Variants in NUP160 observed in about 807,000 individuals in gnomAD.
The protein encoded by NUP160 is nuclear pore complex protein Nup160.
A neutral mutation model predicts 196.9 loss-of-function variants in NUP160; 94 were observed. The observed-to-expected ratio is 0.48, with a 90% confidence interval of 0.40 to 0.57. The LOEUF is 0.57. NUP160 is among the 20% of genes least tolerant of loss of function. The pLI is 0.00. For missense variants in NUP160, 1,638 were observed against 1,748.3 expected (o/e 0.94, Z 1.13); for synonymous variants, 605 against 619.7 (o/e 0.98, Z 0.35).
At chr11:47,814,676 T>C (rs1267527257) in intron 13 of NUP160, among the ~76,000 whole-genome samples, 1 of 152,096 alleles carries the variant, frequency 6.6e-6, no homozygotes, top group Non-Finnish European at 1.5e-5. Context: ...ATTATGTCAA[T>C]ATCAAATAAC....
intron 2 of NUP160, 118 bp downstream of exon 2, chr11:47,847,730 T>C (rs1315513608): frequency 1.8e-5 from 12 of 681,166 alleles, no homozygotes; most frequent in Non-Finnish European, 3.2e-5. Flanking sequence ...GAAAAAACAA[T>C]CTTTCTCTTT....
Position 47,812,235 on chromosome 11 carries a change from A to G in NUP160, c.2081-11T>C, listed in dbSNP as rs780574374. Reference sequence around the variant, plus strand: ...TATTCAAAGGCTGAGCTGTAAAAAGAAGAAAAATGGAGTTGAATGCATCAT... The same window carrying G: ...TATTCAAAGGCTGAGCTGTAAAAAGGAGAAAAATGGAGTTGAATGCATCAT... On this transcript the variant is annotated splice_polypyrimidine_tract_variant and intron_variant, in intron 16 of 35. Coordinates refer to ENST00000378460, the Ensembl canonical transcript of NUP160. 1.9e-6 allele frequency: 3 copies of G among 1,613,946 alleles called. No homozygotes were observed. The highest frequency in any genetic ancestry group is 2.5e-6 in the Non-Finnish European group (3 of 1,179,852).
chr11:47,783,256 C>A, intron 33 of NUP160, 58 bp from the exon 34 acceptor site: 1 of 1,561,198 alleles, frequency 6.4e-7, no homozygotes, highest in Non-Finnish European at 8.6e-7. Flanking sequence ...TGAGTACTGA[C>A]CAAAGAATGT....
intron 20 of NUP160, among the ~76,000 whole-genome samples, chr11:47,805,574 G>C (rs1449082762): frequency 1.3e-5 from 2 of 151,234 alleles, no homozygotes; most frequent in Admixed American, 1.3e-4. Flanking sequence ...CTTCCAAGTA[G>C]CTGGGACTAC....
At chr11:47,800,632 C>T (rs546475627) in intron 23 of NUP160, among the ~76,000 whole-genome samples, 68 of 152,192 alleles carry the variant, frequency 4.5e-4, no homozygotes, top group Non-Finnish European at 8.1e-4. Context: ...CCTCGTGATC[C>T]GCCCACCTCA....
chr11:47,779,172 T>C lies in NUP160; in HGVS notation c.4244A>G (p.Lys1415Arg), dbSNP rs1052118622. ...AACTTTTTGCTGGTAGTCCTCCAAT[T>C]TGTCAAGTATTTTCTGGGACAGCTA... Residue 1415 changes from lysine (K) to arginine (R), a missense_variant, in exon 36 of 36, where the codon AAA becomes AGA. Coordinates refer to ENST00000378460, the Ensembl canonical transcript of NUP160. 19 of 1,611,874 alleles carry C rather than the reference T, an allele frequency of 1.2e-5. No homozygotes were observed. Among genetic ancestry groups the C allele is most frequent in the Non-Finnish European group, 1.4e-5 (17 of 1,178,182 alleles).
chr11:47,838,357 G>A (rs1852221209), intron 4 of NUP160, among the ~76,000 whole-genome samples: 1 of 152,196 alleles, frequency 6.6e-6, no homozygotes, highest in South Asian at 2.1e-4. Context: ...GGTCACTCTA[G>A]GCCAGTGTAA....
chr11:47,798,287 A>G, intron 24 of NUP160, 25 bp from the exon 25 acceptor site: 1 of 1,565,410 alleles, frequency 6.4e-7, no homozygotes, highest in South Asian at 1.1e-5. Flanking sequence ...TAGATCAAAT[A>G]TCAAAAAGAG....
intron 9 of NUP160, among the ~76,000 whole-genome samples, chr11:47,820,928 C>G (rs1851844038): frequency 6.6e-6 from 1 of 152,144 alleles, no homozygotes; most frequent in Non-Finnish European, 1.5e-5. Context: ...GGCAATCCTC[C>G]CACCTTAGCC....
At chr11:47,779,074 A>G in exon 36 of NUP160, 1 of 1,527,986 alleles carries the variant, frequency 6.5e-7, no homozygotes, top group Non-Finnish European at 9.1e-7. Flanking sequence ...AGAGGCACCA[A>G]GCGGTTACAA....
At chr11:47,825,979 A>C (rs1340993233) in intron 7 of NUP160, among the ~76,000 whole-genome samples, 1 of 152,224 alleles carries the variant, frequency 6.6e-6, no homozygotes, top group Non-Finnish European at 1.5e-5. Context: ...ATTAAAGAAA[A>C]AAAAGCAGCA....
chr11:47,837,624 C>T lies in NUP160; in HGVS notation c.749-1G>A, dbSNP rs1436686837. On this transcript the variant is annotated splice_acceptor_variant, in intron 4 of 35. Transcript: ENST00000378460. LOFTEE classifies it high-confidence loss of function. ...TTCAGTTCCACGACTGACACCATAC[C>T]TGCAATGATATCCAAGGCACCTCTT... is the stretch of plus-strand genomic sequence containing the variant. 6.2e-7 allele frequency: 1 copy of T among 1,612,966 alleles called. No homozygotes were observed. Among genetic ancestry groups the T allele is most frequent in the Non-Finnish European group, 8.5e-7 (1 of 1,179,064 alleles).
At chr11:47,814,612 A>G (rs1011828568) in intron 13 of NUP160, among the ~76,000 whole-genome samples, 1 of 151,700 alleles carries the variant, frequency 6.6e-6, no homozygotes, top group African/African-American at 2.4e-5. Flanking sequence ...CTGAATATAA[A>G]CTATATATAT....
chr11:47,807,182 T>C (rs758796114), intron 18 of NUP160, 42 bp from the exon 19 acceptor site: 1 of 1,201,082 alleles, frequency 8.3e-7, no homozygotes, highest in Non-Finnish European at 1.2e-6. Context: ...AATTCTCCTA[T>C]GCTAAACATT....
intron 2 of NUP160, among the ~76,000 whole-genome samples, chr11:47,842,277 C>T (rs992346332): frequency 2.0e-5 from 3 of 152,106 alleles, no homozygotes; most frequent in African/African-American, 7.2e-5. Context: ...TCCCAAGGCA[C>T]ATCTTATCTA....
intron 21 of NUP160, 30 bp from the exon 22 acceptor site, chr11:47,803,566 A>G: frequency 8.1e-7 from 1 of 1,231,602 alleles, no homozygotes; most frequent in Non-Finnish European, 1.2e-6. Context: ...CTTTCTGATT[A>G]GAAAATAAAT....
chr11:47,801,791 C>G lies in NUP160; in HGVS notation c.2895+20G>C. On this transcript the variant is annotated intron_variant, in intron 23 of 35. Coordinates refer to ENST00000378460, the Ensembl canonical transcript of NUP160. ...GTTTTTACACAGGGTGGTATAAGGCCAAACCAAGACATGATGTACCTTGTC... is the reference window on the plus strand; with the variant it reads ...GTTTTTACACAGGGTGGTATAAGGCGAAACCAAGACATGATGTACCTTGTC... 1 of 1,611,496 alleles carries G rather than the reference C, an allele frequency of 6.2e-7. No individual in the cohort carries two copies. Among genetic ancestry groups the G allele is most frequent in the South Asian group, 1.1e-5 (1 of 90,640 alleles).
intron 7 of NUP160, among the ~76,000 whole-genome samples, chr11:47,834,628 G>GCCC (rs1370660049): frequency 5.3e-5 from 8 of 152,112 alleles, no homozygotes; most frequent in African/African-American, 1.9e-4. Context: ...GACCTGGGGG[G>GCCC]TTGGGGTTCG....
intron 7 of NUP160, among the ~76,000 whole-genome samples, chr11:47,826,108 T>C (rs924245231): frequency 9.2e-5 from 14 of 152,088 alleles, no homozygotes; most frequent in African/African-American, 3.1e-4. Context: ...TAGTGGGACA[T>C]AAAATCAATT....
Sources: gnomAD v4.1 joint callset for allele counts (sites outside exome capture counted in the v4.1 genomes callset) on GRCh38, gnomAD v4.1.1 for gene constraint, MANE v1.5 for transcripts, NCBI Gene and HGNC (gene_info 2026-07-23, HGNC 2026-07-21) for gene names.